SLC8A1: variants seen among roughly 807,000 people sequenced by gnomAD.
The protein encoded by SLC8A1 is sodium/calcium exchanger 1.
Under a neutral mutation model 68.3 loss-of-function variants are expected in SLC8A1, and 18 were observed. The observed-to-expected ratio is 0.26, with a 90% CI of 0.18 to 0.39. SLC8A1 has a LOEUF of 0.39. Ranked by LOEUF, SLC8A1 falls within the 10% of genes least tolerant of loss-of-function variation. The pLI, the probability that SLC8A1 is intolerant of heterozygous loss-of-function variation, is 1.00. For missense variants in SLC8A1, 985 were observed against 1,156.7 expected (o/e 0.85, Z 2.15); for synonymous variants, 475 against 415.5 (o/e 1.14, Z -1.74).
chr2:40,159,939 C>T (rs1440339915), intron 6 of SLC8A1, among the ~76,000 whole-genome samples: 1 of 152,132 alleles, frequency 6.6e-6, no homozygotes, highest in Non-Finnish European at 1.5e-5. Flanking sequence ...GCTTGGGAAT[C>T]ACTACGTATT....
At chr2:40,133,912 G>A (rs909752824) in intron 7 of SLC8A1, among the ~76,000 whole-genome samples, 1 of 152,098 alleles carries the variant, frequency 6.6e-6, no homozygotes, top group Non-Finnish European at 1.5e-5. Context: ...CCAATGACTA[G>A]GTGGCCCTTA....
intron 2 of SLC8A1, among the ~76,000 whole-genome samples, chr2:40,341,186 C>T (rs1033287132): frequency 2.0e-5 from 3 of 152,000 alleles, no homozygotes; most frequent in Non-Finnish European, 4.4e-5. Flanking sequence ...TTTTTACATA[C>T]GGGAGTGTGA....
chr2:40,141,813 A>G (rs138711830), intron 6 of SLC8A1, among the ~76,000 whole-genome samples: 2 of 152,330 alleles, frequency 1.3e-5, no homozygotes, highest in African/African-American at 4.8e-5. Flanking sequence ...TTCTAACCCA[A>G]TATGACTGGT....
chr2:40,196,828 A>C (rs1428571692), intron 2 of SLC8A1, among the ~76,000 whole-genome samples: 3 of 152,094 alleles, frequency 2.0e-5, no homozygotes, highest in African/African-American at 7.2e-5. Context: ...GGATGAAAGC[A>C]AAAGGTAGTT....
At chr2:40,228,319 G>A (rs942073034) in intron 2 of SLC8A1, among the ~76,000 whole-genome samples, 1 of 152,186 alleles carries the variant, frequency 6.6e-6, no homozygotes, top group African/African-American at 2.4e-5. Flanking sequence ...ATATGCTTAT[G>A]TAAGAATTCT....
Position 40,398,345 on chromosome 2 carries a change from A to G in SLC8A1, c.1808+30128T>C, listed in dbSNP as rs535047512. On this transcript the variant is annotated intron_variant, in intron 2 of 7. Transcript: ENST00000406785. ...TGTTACTAACGCGTGTATCATATCT[A>G]GATCCACTCCTCACCATATGTCATG... is the stretch of plus-strand genomic sequence containing the variant. 3.9e-5 allele frequency among the ~76,000 whole-genome samples: 6 copies of G among 152,256 alleles called. No homozygotes were observed. The South Asian group carries it at 1.2e-3, about 32-fold the overall frequency.
Position 40,217,392 on chromosome 2 carries a change from G to C in SLC8A1, c.1809-39537C>G, listed in dbSNP as rs575227228. On this transcript the variant is annotated intron_variant, in intron 2 of 7. Transcript: ENST00000406785. The stretch of plus-strand genomic sequence containing the variant: ...TACCATGCTGTTTTGATTACTGTAG[G>C]CTTGTAGTATAATTTGAAGTCAGGT... Among the ~76,000 whole-genome samples, 29 of 152,138 alleles carry C rather than the reference G, an allele frequency of 1.9e-4. No individual in the cohort carries two copies. In the South Asian group the frequency reaches 6.0e-3, roughly 32 times the overall value.
chr2:40,309,449 C>G (rs1472302944), intron 2 of SLC8A1, among the ~76,000 whole-genome samples: 1 of 150,136 alleles, frequency 6.7e-6, no homozygotes, highest in African/African-American at 2.4e-5. Context: ...GAAATATTCT[C>G]AAATGTCTAA....
intron 1 of SLC8A1, among the ~76,000 whole-genome samples, chr2:40,476,552 T>C (rs2149908150): frequency 6.6e-6 from 1 of 152,334 alleles, no homozygotes; most frequent in East Asian, 1.9e-4. Flanking sequence ...CAGATCACAT[T>C]TGACCAGAGA....
intron 1 of SLC8A1, among the ~76,000 whole-genome samples, chr2:40,442,750 C>CTGAG (rs1307415659): frequency 6.6e-6 from 1 of 152,160 alleles, no homozygotes; most frequent in African/African-American, 2.4e-5. Context: ...AATCCCATTA[C>CTGAG]TGAGTAAATA....
chr2:40,303,516 G>A (rs1334151682), intron 2 of SLC8A1, among the ~76,000 whole-genome samples: 1 of 152,164 alleles, frequency 6.6e-6, no homozygotes, highest in Non-Finnish European at 1.5e-5. Context: ...ACTTGACTTT[G>A]TCTTTCTTGG....
chr2:40,302,031 C>CTGTGTGTGTGTGTGTGTGTGTGTGTG (rs374407377), intron 2 of SLC8A1, among the ~76,000 whole-genome samples: 21 of 132,320 alleles, frequency 1.6e-4, no homozygotes, highest in South Asian at 5.5e-4. Flanking sequence ...CCGGGCTAAT[C>CTGTGTGTGTGTGTGTGTGTGTGTGTG]TGTGTGTGTG....
chr2:40,204,433 C>A (rs539913222), intron 2 of SLC8A1, among the ~76,000 whole-genome samples: 1 of 152,090 alleles, frequency 6.6e-6, no homozygotes, highest in Admixed American at 6.6e-5. Context: ...CTATGTACTG[C>A]AATTTGCAGC....
intron 2 of SLC8A1, among the ~76,000 whole-genome samples, chr2:40,330,654 C>A (rs547348721): frequency 6.6e-6 from 1 of 152,230 alleles, no homozygotes; most frequent in South Asian, 2.1e-4. Flanking sequence ...AATAAATATA[C>A]TACTAGTTGC....
At chr2:40,420,950 T>C (rs1695335397) in intron 2 of SLC8A1, among the ~76,000 whole-genome samples, 4 of 152,200 alleles carry the variant, frequency 2.6e-5, no homozygotes. Flanking sequence ...CTTCTTCATC[T>C]GTAAAATGAG....
intron 7 of SLC8A1, among the ~76,000 whole-genome samples, chr2:40,135,864 A>G (rs543125996): frequency 1.3e-5 from 2 of 152,334 alleles, no homozygotes; most frequent in South Asian, 4.2e-4. Flanking sequence ...TGGTTAAAGG[A>G]TAAGGCCATT....
rs574647052 is a variant in SLC8A1, at chr2:40,223,242, C to T, written c.1809-45387G>A. Among the ~76,000 whole-genome samples, 13 of 152,282 alleles carry T rather than the reference C, an allele frequency of 8.5e-5. No individual in the cohort carries two copies. In the East Asian group the frequency reaches 2.5e-3, roughly 29 times the overall value. Reference sequence around the variant, plus strand: ...GGACATGGATGAAGTTGGAAACCACCATTCTCAGCAAACTAACACAGGAAC... The same window carrying T: ...GGACATGGATGAAGTTGGAAACCACTATTCTCAGCAAACTAACACAGGAAC... On this transcript the variant is annotated intron_variant, in intron 2 of 7. Coordinates refer to ENST00000406785, the Ensembl canonical transcript of SLC8A1.
chr2:40,230,647 T>TATCA (rs2059536995), intron 2 of SLC8A1, among the ~76,000 whole-genome samples: 1 of 152,214 alleles, frequency 6.6e-6, no homozygotes, highest in African/African-American at 2.4e-5. Flanking sequence ...TATAATTAAT[T>TATCA]ATCATTTAGA....
chr2:40,206,448 A>G (rs2055463680), intron 2 of SLC8A1, among the ~76,000 whole-genome samples: 1 of 152,106 alleles, frequency 6.6e-6, no homozygotes, highest in Non-Finnish European at 1.5e-5. Context: ...TGCTTATTAA[A>G]TGAAAGTTTT....
Sources: gnomAD v4.1 joint callset for allele counts (sites outside exome capture counted in the v4.1 genomes callset) on GRCh38, gnomAD v4.1.1 for gene constraint, MANE v1.5 for transcripts, NCBI Gene and HGNC (gene_info 2026-07-23, HGNC 2026-07-21) for gene names.